Variants in SETD1B observed in about 807,000 individuals in gnomAD.
SETD1B encodes histone-lysine N-methyltransferase SETD1B.
Under a neutral mutation model 148.0 loss-of-function variants are expected in SETD1B, and 7 were observed. The ratio of observed to expected loss-of-function variants is 0.05; its 90% CI spans 0.03 to 0.09. The LOEUF is 0.09. Ranked by LOEUF, SETD1B falls within the 10% of genes least tolerant of loss-of-function variation. The probability of loss-of-function intolerance (pLI) is 1.00; values close to 1 mark genes in which losing one functional copy is unlikely to be tolerated. For missense variants in SETD1B, 2,155 were observed against 2,729.9 expected, an observed-to-expected ratio of 0.79 and a Z score of 4.69; for synonymous variants, 1,361 against 1,186.5, an observed-to-expected ratio of 1.15 and a Z score of -3.02.
chr12:121,805,207 C>T lies in SETD1B; in HGVS notation c.264C>T (p.Pro88=). The change falls in exon 3 of 17, where the codon CCC becomes CCT. Residue 88 remains proline (P), a synonymous_variant. Transcript: ENST00000604567. This position sits in a 1 kb window ranked among gnomAD's most constrained non-coding sequence, Gnocchi z 4.2. ...ACAAGGAGCTGGAGCTGTCGGTGCC[C>T]AAATTCAAGGTAGGACCCCTCCCCA... ...TKNKELELSV[P]KFKIDEFYVG... The T allele has an allele frequency of 6.4e-7, 1 of 1,550,624 alleles. No homozygotes were observed. The highest frequency in any genetic ancestry group is 8.7e-7 in the Non-Finnish European group (1 of 1,146,876).
intron 11 of SETD1B, among the ~76,000 whole-genome samples, chr12:121,821,146 A>T (rs1447885167): frequency 6.6e-6 from 1 of 152,220 alleles, no homozygotes; most frequent in African/African-American, 2.4e-5. Context: ...CATTAACCAC[A>T]GTCTTTGAAC....
At chr12:121,802,963 C>T (rs970808933), upstream of SETD1B, 1 of 152,254 alleles carries the variant, frequency 6.6e-6, no homozygotes, top group African/African-American at 2.4e-5. Flanking sequence ...GTTTTGAGAT[C>T]AGCGTCTAAT....
the SETD1B span, among the ~76,000 whole-genome samples, chr12:121,796,975 T>G: frequency 1.8e-4 from 27 of 149,768 alleles, no homozygotes; most frequent in Admixed American, 1.5e-3. Context: ...AGGCGGAGGT[T>G]GCGGTGAGCC....
In SETD1B at chr12:121,814,203, C is replaced by T; in HGVS notation, c.1988C>T (p.Thr663Ile). The T allele has an allele frequency of 6.5e-7, 1 of 1,542,834 alleles. No homozygotes were observed. Among genetic ancestry groups the T allele is most frequent in the Non-Finnish European group, 8.7e-7 (1 of 1,145,762 alleles). ...GACTGCCCCAAGCCCATGGTGGTGACCCCAGGAGCGGCAGCCGTGGCAGCC... is the reference window on the plus strand; with the variant it reads ...GACTGCCCCAAGCCCATGGTGGTGATCCCAGGAGCGGCAGCCGTGGCAGCC... ...SADCPKPMVV[T>I]PGAAAVAAPS... Residue 663 changes from threonine (T) to isoleucine (I), a missense_variant, in exon 7 of 17, where the codon ACC (threonine) becomes ATC (isoleucine). Physicochemically the swap from Thr to Ile is moderately conservative, Grantham distance 89 (BLOSUM62 -1). Coordinates refer to ENST00000604567, the MANE Select transcript of SETD1B (RefSeq NM_001353345.2).
chr12:121,792,680 C>G, the SETD1B span, among the ~76,000 whole-genome samples: 1 of 152,240 alleles, frequency 6.6e-6, no homozygotes, highest in South Asian at 2.1e-4. Flanking sequence ...GGCTGCAGAG[C>G]GCAGGCCACA....
chr12:121,820,449 G>A (rs1876514367), intron 11 of SETD1B, among the ~76,000 whole-genome samples: 1 of 152,254 alleles, frequency 6.6e-6, no homozygotes, highest in African/African-American at 2.4e-5. Flanking sequence ...CAGTGGCACA[G>A]TGGAACTGAA....
chr12:121,826,416 G>A (rs912750043), intron 13 of SETD1B, among the ~76,000 whole-genome samples: 5 of 152,132 alleles, frequency 3.3e-5, no homozygotes, highest in Non-Finnish European at 7.3e-5. Flanking sequence ...GTGAAAAAGC[G>A]ACTTCCATAA....
chr12:121,793,583 C>T, the SETD1B span: 2 of 1,552,854 alleles, frequency 1.3e-6, no homozygotes. Context: ...TCAGCTCCTT[C>T]CTGCCCGGAC....
Position 121,827,948 on chromosome 12 carries a change from C to T in SETD1B, c.5605C>T (p.Arg1869Trp), listed in dbSNP as rs1263328866. 3.2e-6 allele frequency: 5 copies of T among 1,552,002 alleles called. No individual in the cohort carries two copies. The highest frequency in any genetic ancestry group is 1.7e-6 in the Non-Finnish European group (2 of 1,147,094). ...TTGTGGCCAGGTGATCGCAGACATG[C>T]GGGAGAAGCGTTATGAGGACGAGGG... is the stretch of plus-strand genomic sequence containing the variant. ...QNIRQVIADM[R>W]EKRYEDEGIG... Residue 1869 changes from arginine (R) to tryptophan (W), a missense_variant, in exon 16 of 17, where the codon CGG becomes TGG. Coordinates refer to ENST00000604567, the MANE Select transcript of SETD1B (RefSeq NM_001353345.2).
chr12:121,802,818 T>A (rs1027823952), upstream of SETD1B: 18 of 152,368 alleles, frequency 1.2e-4, no homozygotes, highest in African/African-American at 3.4e-4. Flanking sequence ...TGAGACGTCC[T>A]GAACTGGATG....
At chr12:121,806,216 C>G in intron 4 of SETD1B, 111 bp downstream of exon 4, 2 of 1,212,158 alleles carry the variant, frequency 1.6e-6, no homozygotes, top group South Asian at 3.0e-5. Context: ...TGGGATCCCC[C>G]CCCACAACCT....
chr12:121,800,767 GC>G (rs1875306653), upstream of SETD1B: 1 of 148,492 alleles, frequency 6.7e-6, no homozygotes, highest in East Asian at 2.0e-4. Context: ...GGCGCGCGAC[GC>G]CCCCGAGGCC....
Position 121,822,922 on chromosome 12 carries a change from GC to G in SETD1B, c.4346del (p.Pro1449HisfsTer67). The part of the protein sequence containing the change: ...EPSGPLLLPV[C>X]PLPTGRRDER... ...AGCGGGCCCTTGCTCCTGCCCGTCT[GC>G]CCACTCCCCACTGGCCGACGCGATG... On this transcript the variant is annotated frameshift_variant, in exon 12 of 17. Coordinates refer to ENST00000604567, the MANE Select transcript of SETD1B (RefSeq NM_001353345.2). LOFTEE classifies it high-confidence loss of function. The G allele has an allele frequency of 6.6e-7, 1 of 1,520,660 alleles. No individual in the cohort carries two copies. The allele number at this position is 1,520,660 out of a possible 1,614,324, so 94.2% of individuals were successfully genotyped here.
chr12:121,830,543 CTT>C lies in SETD1B; in HGVS notation c.*305_*306del, dbSNP rs200213705. On this transcript the variant is annotated 3_prime_UTR_variant, in exon 17 of 17. Transcript: ENST00000604567. This position sits in a 1 kb window ranked among gnomAD's most constrained non-coding sequence, Gnocchi z 5.7. ...TCTCCGTCTCTCCTCCCCTCTCTCT[CTT>C]CTCTGTCTCTTCTCTCTCCCACCAT... 2.8e-3 allele frequency: 818 copies of C among 289,884 alleles called. 6 individuals are homozygous for C. Among genetic ancestry groups the C allele is most frequent in the African/African-American group, 0.016 (733 of 46,310 alleles). The allele number at this position is 289,884 out of a possible 1,614,324, so 18.0% of individuals were successfully genotyped here.
chr12:121,804,627 G>A lies in SETD1B; in HGVS notation c.-14-97G>A, dbSNP rs1480333198. 5.7e-6 allele frequency: 6 copies of A among 1,043,778 alleles called. No individual in the cohort carries two copies. Among genetic ancestry groups the A allele is most frequent in the Non-Finnish European group, 8.3e-6 (6 of 725,458 alleles). 64.7% of individuals were successfully genotyped at this position (1,043,778 alleles called of 1,614,324 possible). A position where few individuals can be genotyped will look rare whatever the true frequency, so the allele number is the denominator to read the frequency against. ...TTCGGGGCGCGCTGGCAAGGTGGGAGGGGGTGGGGGCCTGCCGATTGGATT... is the reference window on the plus strand; with the variant it reads ...TTCGGGGCGCGCTGGCAAGGTGGGAAGGGGTGGGGGCCTGCCGATTGGATT... On this transcript the variant is annotated intron_variant, in intron 1 of 16. Coordinates refer to ENST00000604567, the MANE Select transcript of SETD1B (RefSeq NM_001353345.2). This position sits in a 1 kb window ranked among gnomAD's most constrained non-coding sequence, Gnocchi z 4.6.
chr12:121,792,962 C>T, the SETD1B span, among the ~76,000 whole-genome samples: 2 of 152,266 alleles, frequency 1.3e-5, no homozygotes, highest in Non-Finnish European at 2.9e-5. Context: ...CTCCAAACAC[C>T]TTCCACTTAC....
chr12:121,816,107 T>C (rs1304847527), intron 7 of SETD1B, among the ~76,000 whole-genome samples: 3 of 152,184 alleles, frequency 2.0e-5, no homozygotes, highest in Non-Finnish European at 4.4e-5. Flanking sequence ...GGATTACAGA[T>C]GTGAGCCACT....
Position 121,810,587 on chromosome 12 carries a change from A to G in SETD1B, c.1642A>G (p.Thr548Ala). 1.9e-6 allele frequency: 3 copies of G among 1,548,192 alleles called. No individual in the cohort carries two copies. In the South Asian group the frequency reaches 3.6e-5, roughly 18 times the overall value. The change falls in exon 6 of 17, where the codon ACC becomes GCC. Residue 548 changes from threonine to alanine, a missense_variant. Physicochemically the swap from Thr to Ala is moderately conservative, Grantham distance 58. Around this residue, in one of 11 missense-constraint regions of SETD1B, gnomAD observed 295 missense variants for 303.8 expected, o/e 0.97. Coordinates refer to ENST00000604567, the MANE Select transcript of SETD1B (RefSeq NM_001353345.2). This position sits in a 1 kb window ranked among gnomAD's most constrained non-coding sequence, Gnocchi z 7.6. ...GCTCTCCCCACTGGCCCCCTTTGGC[A>G]CCAACTCCCAGCCAGGCTTCCGGGG... The part of the protein sequence containing the change: ...SQLSPLAPFG[T>A]NSQPGFRGPT...
rs1455931949 is a variant in SETD1B, at chr12:121,814,634, G to T, written c.2419G>T (p.Ala807Ser). The change falls in exon 7 of 17, where the codon GCT becomes TCT. Residue 807 changes from alanine (A) to serine (S), a missense_variant. Transcript: ENST00000604567. ...GGCCGCTGCGGCCGCCGCTGCCTCA[G>T]CTGGGCTCCAGTTTGTCAACCTGCC... ...FMAAAAAAAS[A>S]GLQFVNLPPY... 1.2e-5 allele frequency: 19 copies of T among 1,546,764 alleles called. No homozygotes were observed. The highest frequency in any genetic ancestry group is 1.6e-5 in the Non-Finnish European group (18 of 1,144,860).
Sources: allele counts gnomAD v4.1 joint callset (sites outside exome capture counted in the v4.1 genomes callset), GRCh38; gene constraint gnomAD v4.1.1; regional missense constraint gnomAD v4.1.1; non-coding constraint Gnocchi (gnomAD v3.1); transcripts MANE v1.5; gene names NCBI Gene and HGNC (gene_info 2026-07-23, HGNC 2026-07-21).